CEP44: variants seen among roughly 807,000 people sequenced by gnomAD.
The protein encoded by CEP44 is centrosomal protein 44.
CEP44 carries 45 observed loss-of-function variants against 46.7 expected under a neutral mutation model. The observed-to-expected ratio is 0.96, with a 90% CI of 0.76 to 1.24. The LOEUF (loss-of-function observed/expected upper bound fraction) is 1.24. Among genes scored for constraint, CEP44 ranks in the 50% most tolerant of loss-of-function variants. The pLI is 0.00. For missense variants in CEP44, 475 were observed against 459.7 expected (o/e 1.03, Z -0.30); for synonymous variants, 142 against 146.0 (o/e 0.97, Z 0.20).
downstream of CEP44, among the ~76,000 whole-genome samples, chr4:174,320,916 T>G (rs946768485): frequency 2.0e-5 from 3 of 152,018 alleles, no homozygotes; most frequent in African/African-American, 7.2e-5. Context: ...AGAAACATAG[T>G]AAGAGTGACT....
Position 174,318,954 on chromosome 4 carries a change from C to G in CEP44, c.*1571C>G, listed in dbSNP as rs1228404768. The G allele has an allele frequency of 4.3e-6, 1 of 231,490 alleles. No homozygotes were observed. The allele number at this position is 231,490 out of a possible 1,614,324, so 14.3% of individuals were successfully genotyped here. ...CCTCCTGAGTAGCTGGGACTATAGG[C>G]CTGTACCGTCATGCCTGGCTAATTT... On this transcript the variant is annotated 3_prime_UTR_variant, in exon 12 of 12. Coordinates refer to ENST00000503780, the MANE Select transcript of CEP44 (RefSeq NM_001040157.3).
In CEP44 at chr4:174,318,880, G is replaced by T. The variant is rs1343656503; in HGVS notation, c.*1497G>T. ...GCTGGAGTGCACTGGCGTGATCTCG[G>T]CTCACTGCACCTTCTGCCTACCGAG... is the stretch of plus-strand genomic sequence containing the variant. On this transcript the variant is annotated 3_prime_UTR_variant, in exon 12 of 12. Transcript: ENST00000503780. 7 of 333,004 alleles carry T rather than the reference G, an allele frequency of 2.1e-5. No homozygotes were observed. Among genetic ancestry groups the T allele is most frequent in the Non-Finnish European group, 3.0e-5 (7 of 234,804 alleles). 20.6% of individuals were successfully genotyped at this position (333,004 alleles called of 1,614,324 possible).
chr4:174,313,198 G>A (rs1409985071), intron 9 of CEP44, among the ~76,000 whole-genome samples: 3 of 152,012 alleles, frequency 2.0e-5, no homozygotes. Flanking sequence ...GTGGTTTTGG[G>A]TGTGTTGTTT....
intron 9 of CEP44, among the ~76,000 whole-genome samples, chr4:174,315,371 A>G (rs1294397821): frequency 1.3e-5 from 2 of 152,070 alleles, no homozygotes; most frequent in Non-Finnish European, 2.9e-5. Flanking sequence ...TGTCAAATTA[A>G]TATTATCAGG....
downstream of CEP44, among the ~76,000 whole-genome samples, chr4:174,321,868 C>T (rs1742341335): frequency 6.6e-6 from 1 of 152,034 alleles, no homozygotes; most frequent in South Asian, 2.1e-4. Flanking sequence ...AAGCAGTTTC[C>T]ATAGATGAAT....
chr4:174,298,745 A>C (rs1291042991), intron 2 of CEP44, among the ~76,000 whole-genome samples: 1 of 152,090 alleles, frequency 6.6e-6, no homozygotes, highest in Non-Finnish European at 1.5e-5. Flanking sequence ...TGTTATTCCA[A>C]GTTGATGTGT....
intron 6 of CEP44, among the ~76,000 whole-genome samples, chr4:174,308,315 T>C (rs1292248412): frequency 6.6e-6 from 1 of 152,300 alleles, no homozygotes; most frequent in Admixed American, 6.5e-5. Flanking sequence ...AATGGGATCA[T>C]GTCCTTTGCA....
rs955147531 is a variant in CEP44 at position 174,309,156 on chromosome 4, A to G, written c.678+297A>G. 1.3e-5 allele frequency among the ~76,000 whole-genome samples: 2 copies of G among 152,142 alleles called. No individual in the cohort carries two copies. Among genetic ancestry groups the G allele is most frequent in the Non-Finnish European group, 2.9e-5 (2 of 67,984 alleles). On this transcript the variant is annotated intron_variant, in intron 7 of 11. Coordinates refer to ENST00000503780, the MANE Select transcript of CEP44 (RefSeq NM_001040157.3). The surrounding 1 kb of genome is among the most constrained non-coding windows in gnomAD (Gnocchi z 5.3). ...GAGACATAGCGATATGCTACTTTGCATAGTGGAGGTTCTCTACCACCTATT... is the reference window on the plus strand; with the variant it reads ...GAGACATAGCGATATGCTACTTTGCGTAGTGGAGGTTCTCTACCACCTATT...
downstream of CEP44, among the ~76,000 whole-genome samples, chr4:174,325,288 A>G (rs2126697117): frequency 6.6e-6 from 1 of 152,206 alleles, no homozygotes; most frequent in East Asian, 1.9e-4. This position sits in a 1 kb window ranked among gnomAD's most constrained non-coding sequence, Gnocchi z 4.4. Context: ...CGTTCATTTC[A>G]TTAACAGTGT....
intron 5 of CEP44, 48 bp downstream of exon 5, chr4:174,303,897 G>T: frequency 8.0e-7 from 1 of 1,242,468 alleles, no homozygotes; most frequent in Non-Finnish European, 1.1e-6. Flanking sequence ...ATTAATAGAT[G>T]GCTCAGTATT....
chr4:174,298,868 G>A (rs1007377815), intron 2 of CEP44, among the ~76,000 whole-genome samples: 26 of 152,164 alleles, frequency 1.7e-4, no homozygotes, highest in Admixed American at 6.5e-5. Context: ...AGGAAAACAT[G>A]TAGGAGGGTA....
rs1021270921 is a variant in CEP44 at position 174,314,922 on chromosome 4, C to A, written c.962-1244C>A. Among the ~76,000 whole-genome samples the A allele has an allele frequency of 6.6e-6, 1 of 152,174 alleles. No individual in the cohort carries two copies. Among genetic ancestry groups the A allele is most frequent in the Non-Finnish European group, 1.5e-5 (1 of 68,030 alleles). On this transcript the variant is annotated intron_variant, in intron 9 of 11. Coordinates refer to ENST00000503780, the MANE Select transcript of CEP44 (RefSeq NM_001040157.3). The surrounding 1 kb of genome is among the most constrained non-coding windows in gnomAD (Gnocchi z 4.1). ...AAAGTGTGATGAGTCAAATTACATT[C>A]TCTCTCTTAGCATTTGGAATTAGGA...
chr4:174,295,435 C>T (rs1447760992), intron 1 of CEP44, among the ~76,000 whole-genome samples: 6 of 151,474 alleles, frequency 4.0e-5, no homozygotes, highest in South Asian at 2.1e-4. Context: ...GGGATGGTGG[C>T]CAGGAAGAGG....
chr4:174,315,381 GA>G (rs1741553065), intron 9 of CEP44, among the ~76,000 whole-genome samples: 1 of 151,830 alleles, frequency 6.6e-6, no homozygotes, highest in African/African-American at 2.4e-5. Flanking sequence ...ATATTATCAG[GA>G]TATTTGAAAT....
rs1741485592 is a variant in CEP44 at position 174,314,908 on chromosome 4, A to G, written c.962-1258A>G. Among the ~76,000 whole-genome samples the G allele has an allele frequency of 6.6e-6, 1 of 152,208 alleles. No homozygotes were observed. The highest frequency in any genetic ancestry group is 1.5e-5 in the Non-Finnish European group (1 of 68,038). ...GAGAATTCCAGTTCAAAGTGTGATG[A>G]GTCAAATTACATTCTCTCTCTTAGC... is the stretch of plus-strand genomic sequence containing the variant. On this transcript the variant is annotated intron_variant, in intron 9 of 11. Coordinates refer to ENST00000503780, the MANE Select transcript of CEP44 (RefSeq NM_001040157.3). The surrounding 1 kb of genome is among the most constrained non-coding windows in gnomAD (Gnocchi z 4.1).
In CEP44 at chr4:174,308,750, C is replaced by G; in HGVS notation, c.569C>G (p.Thr190Arg). 1 of 1,613,222 alleles carries G rather than the reference C, an allele frequency of 6.2e-7. No homozygotes were observed. Among genetic ancestry groups the G allele is most frequent in the Non-Finnish European group, 8.5e-7 (1 of 1,179,402 alleles). Reference protein sequence around the residue: ...NEDNVDISEDTLSPITDVNEA... With the variant: ...NEDNVDISEDRLSPITDVNEA... ...GATAATGTTGACATTTCTGAGGATA[C>G]ATTAAGTCCAATAACAGATGTTAAT... is the stretch of plus-strand genomic sequence containing the variant. Residue 190 changes from threonine to arginine, a missense_variant, in exon 7 of 12, where the codon ACA (threonine) becomes AGA (arginine). Thr to Arg is a moderately conservative substitution (Grantham distance 71). Coordinates refer to ENST00000503780, the MANE Select transcript of CEP44 (RefSeq NM_001040157.3).
chr4:174,301,963 T>C lies in CEP44; in HGVS notation c.90-76T>C, dbSNP rs536079226. The stretch of plus-strand genomic sequence containing the variant: ...AAATTATTATAAACATTTCTAATAT[T>C]TTCTTGATTATCCAACTTTGTGGAA... On this transcript the variant is annotated intron_variant, in intron 3 of 11. Coordinates refer to ENST00000503780, the MANE Select transcript of CEP44 (RefSeq NM_001040157.3). The surrounding 1 kb of genome is among the most constrained non-coding windows in gnomAD (Gnocchi z 4.3). 318 of 1,272,180 alleles carry C rather than the reference T, an allele frequency of 2.5e-4. 4 individuals are homozygous for C. In the South Asian group the frequency reaches 4.6e-3, roughly 18 times the overall value. 78.8% of individuals were successfully genotyped at this position (1,272,180 alleles called of 1,614,324 possible).
chr4:174,324,145 T>C (rs1389497462), downstream of CEP44, among the ~76,000 whole-genome samples: 1 of 152,172 alleles, frequency 6.6e-6, no homozygotes, highest in African/African-American at 2.4e-5. Context: ...TATATTAATA[T>C]CATCATACCA....
chr4:174,294,852 G>GT (rs1349521075), intron 1 of CEP44, among the ~76,000 whole-genome samples: 3 of 139,874 alleles, frequency 2.1e-5, no homozygotes, highest in Non-Finnish European at 4.7e-5. Context: ...CCGGGCGGGG[G>GT]GCTGATCCCC....
Sources: allele counts gnomAD v4.1 joint callset (sites outside exome capture counted in the v4.1 genomes callset), GRCh38; gene constraint gnomAD v4.1.1; non-coding constraint Gnocchi (gnomAD v3.1); transcripts MANE v1.5; gene names NCBI Gene and HGNC (gene_info 2026-07-23, HGNC 2026-07-21).